The following RP2 variants were observed in gnomAD, a reference collection of about 807,000 sequenced individuals.
The protein encoded by RP2 is protein XRP2.
RP2 carries 3 observed loss-of-function variants against 20.3 expected under a neutral mutation model. That is an observed-to-expected ratio of 0.15 (90% CI 0.07 to 0.38). The LOEUF is 0.38. Ranked by LOEUF, RP2 falls within the 10% of genes least tolerant of loss-of-function variation. RP2 has a pLI of 1.00. For synonymous variants in RP2, 75 were observed against 94.8 expected, an observed-to-expected ratio of 0.79 and a Z score of 1.22; for missense variants, 233 against 268.5, an observed-to-expected ratio of 0.87 and a Z score of 0.92.
chrX:46,878,767 A>G (rs937288306), intron 4 of RP2, among the ~76,000 whole-genome samples: 3 of 111,238 alleles, frequency 2.7e-5, no homozygotes, highest in Non-Finnish European at 5.6e-5. Context: ...AGGTGTAGTT[A>G]CTGAGCCCAC....
intron 1 of RP2, among the ~76,000 whole-genome samples, chrX:46,841,387 T>G (rs1924620214): frequency 8.9e-6 from 1 of 112,390 alleles, no homozygotes; most frequent in Non-Finnish European, 1.9e-5. Flanking sequence ...TAATGGCAGA[T>G]ATTTTGTTCA....
chrX:46,866,366 G>GTATC lies in RP2; in HGVS notation c.883+6280_883+6283dup, dbSNP rs201681621. Among the ~76,000 whole-genome samples the GTATC allele has an allele frequency of 8.3e-3, 920 of 111,280 alleles. 14 individuals carry two copies. The highest frequency in any genetic ancestry group is 0.028 in the African/African-American group (861 of 30,561). ...TATATACACACACATCTATAATCCTGTATCTATCTATCTATCTATTAAAAT... is the reference window on the plus strand; with the variant it reads ...TATATACACACACATCTATAATCCTGTATCTATCTATCTATCTATCTATTAAAAT... On this transcript the variant is annotated intron_variant, in intron 3 of 4. Coordinates refer to ENST00000218340, the MANE Select transcript of RP2 (RefSeq NM_006915.3).
intron 3 of RP2, among the ~76,000 whole-genome samples, chrX:46,869,111 A>C (rs1375125868): frequency 9.1e-6 from 1 of 109,780 alleles, no homozygotes; most frequent in African/African-American, 3.3e-5. Flanking sequence ...TCTCAAAACA[A>C]CAAAAACATC....
At chrX:46,846,442 C>T (rs1361284811) in intron 1 of RP2, among the ~76,000 whole-genome samples, 1 of 109,578 alleles carries the variant, frequency 9.1e-6, no homozygotes, top group Non-Finnish European at 1.9e-5. Flanking sequence ...ATAAACATAG[C>T]CAGGCAGAGT....
intron 2 of RP2, among the ~76,000 whole-genome samples, chrX:46,857,123 A>T (rs1556319353): frequency 9.0e-6 from 1 of 110,605 alleles, no homozygotes; most frequent in Non-Finnish European, 1.9e-5. Flanking sequence ...CATTGTTTTA[A>T]TGCATTAAAT....
chrX:46,854,237 A>G (rs1924916950), intron 2 of RP2, 96 bp downstream of exon 2: 1 of 856,256 alleles, frequency 1.2e-6, no homozygotes, highest in African/African-American at 2.0e-5. Context: ...TATTGGAAAT[A>G]CAGGCAACCC....
At chrX:46,842,363 A>G (rs186381712) in intron 1 of RP2, among the ~76,000 whole-genome samples, 82 of 112,546 alleles carry the variant, frequency 7.3e-4, no homozygotes, top group African/African-American at 2.4e-3. Context: ...ACACAAAGAC[A>G]TGATAAGTGT....
chrX:46,877,421 G>C, intron 3 of RP2, 84 bp from the exon 4 acceptor site: 2 of 688,619 alleles, frequency 2.9e-6, no homozygotes, highest in Non-Finnish European at 4.6e-6. Context: ...AGATGCTGGA[G>C]ATTCTTCAGG....
chrX:46,863,278 CA>C (rs1207998941), intron 3 of RP2, among the ~76,000 whole-genome samples: 3 of 111,831 alleles, frequency 2.7e-5, no homozygotes, highest in Non-Finnish European at 5.6e-5. Flanking sequence ...AATGACTCAG[CA>C]AAACAAAGCA....
intron 1 of RP2, among the ~76,000 whole-genome samples, chrX:46,849,042 TAC>T (rs1556317672): frequency 9.2e-6 from 1 of 109,154 alleles, no homozygotes; most frequent in Non-Finnish European, 1.9e-5. Flanking sequence ...AAAAAAAAAA[TAC>T]AGTCTAAACT....
chrX:46,852,464 T>G (rs1337192445), intron 1 of RP2, among the ~76,000 whole-genome samples: 1 of 112,421 alleles, frequency 8.9e-6, no homozygotes, highest in Non-Finnish European at 1.9e-5. Context: ...TCTTCTGTTT[T>G]CTGTAGCATA....
intron 1 of RP2, among the ~76,000 whole-genome samples, chrX:46,839,653 T>TA (rs782676354): frequency 1.8e-5 from 2 of 112,252 alleles, no homozygotes; most frequent in Admixed American, 1.9e-4. Context: ...AGTCCAATGA[T>TA]ACGTTTACTG....
intron 1 of RP2, among the ~76,000 whole-genome samples, chrX:46,844,688 A>T (rs1224291106): frequency 9.0e-6 from 1 of 111,590 alleles, no homozygotes; most frequent in Non-Finnish European, 1.9e-5. Context: ...CTTTGGGTAT[A>T]TACCCAGTAA....
At chrX:46,850,528 A>G (rs1326109839) in intron 1 of RP2, among the ~76,000 whole-genome samples, 1 of 112,042 alleles carries the variant, frequency 8.9e-6, no homozygotes, top group Non-Finnish European at 1.9e-5. Flanking sequence ...CTACCTCTGT[A>G]GCTTCATCTA....
chrX:46,848,168 T>C (rs192022017), intron 1 of RP2, among the ~76,000 whole-genome samples: 1 of 108,804 alleles, frequency 9.2e-6, no homozygotes, highest in Non-Finnish European at 1.9e-5. Flanking sequence ...TGGATTTTCA[T>C]TGGAATTAAC....
intron 1 of RP2, among the ~76,000 whole-genome samples, chrX:46,853,170 T>C (rs1327458109): frequency 2.7e-5 from 3 of 111,598 alleles, no homozygotes; most frequent in African/African-American, 9.8e-5. Context: ...GGTTAAGTCA[T>C]GGGAAAACTC....
rs1556318560 is a variant in RP2 at position 46,853,580 on chromosome X, C to T, written c.207C>T (p.Asn69=). 2 of 1,211,021 alleles carry T rather than the reference C, an allele frequency of 1.7e-6. No individual in the cohort carries two copies. Among genetic ancestry groups the T allele is most frequent in the Non-Finnish European group, 2.2e-6 (2 of 894,963 alleles). ...GQQFLIQDCE[N]CNIYIFDHSA... The stretch of plus-strand genomic sequence containing the variant: ...AGTTTCTCATTCAAGACTGTGAGAA[C>T]TGTAACATCTATATTTTTGATCACT... Residue 69 remains asparagine, a synonymous_variant, in exon 2 of 5, where the codon AAC becomes AAT. Coordinates refer to ENST00000218340, the MANE Select transcript of RP2 (RefSeq NM_006915.3).
chrX:46,849,391 A>G (rs937906934), intron 1 of RP2, among the ~76,000 whole-genome samples: 1 of 108,598 alleles, frequency 9.2e-6, no homozygotes, highest in African/African-American at 3.4e-5. Flanking sequence ...CCTTCCACCA[A>G]CTCACTTCAA....
intron 1 of RP2, among the ~76,000 whole-genome samples, chrX:46,843,750 G>A (rs1397495619): frequency 8.9e-6 from 1 of 111,881 alleles, no homozygotes; most frequent in Non-Finnish European, 1.9e-5. Flanking sequence ...TAATATAAAT[G>A]TAGTACTTCA....
Sources: allele counts gnomAD v4.1 joint callset (sites outside exome capture counted in the v4.1 genomes callset), GRCh38; gene constraint gnomAD v4.1.1; transcripts MANE v1.5; gene names NCBI Gene and HGNC (gene_info 2026-07-23, HGNC 2026-07-21).